The following CYYR1 variants were observed in gnomAD, a reference collection of about 807,000 sequenced individuals.
The protein encoded by CYYR1 is cysteine and tyrosine rich 1, also known as cysteine and tyrosine-rich protein 1.
Under a neutral mutation model 15.2 loss-of-function variants are expected in CYYR1, and 14 were observed. The ratio of observed to expected loss-of-function variants is 0.92; its 90% CI spans 0.61 to 1.44. CYYR1 has a LOEUF of 1.44. Ranked by LOEUF, CYYR1 falls within the 40% of genes most tolerant of loss-of-function variation. The pLI is 0.00. For synonymous variants in CYYR1, 80 were observed against 77.4 expected (o/e 1.03, Z -0.18); for missense variants, 228 against 209.5 (o/e 1.09, Z -0.54).
chr21:26,488,893 A>G (rs1485664425), intron 2 of CYYR1, among the ~76,000 whole-genome samples: 1 of 152,280 alleles, frequency 6.6e-6, no homozygotes, highest in African/African-American at 2.4e-5. Flanking sequence ...TGCACGAGAA[A>G]CAAACTAGTT....
At chr21:26,545,534 G>A (rs1014704539) in intron 2 of CYYR1, among the ~76,000 whole-genome samples, 1 of 143,254 alleles carries the variant, frequency 7.0e-6, no homozygotes, top group Non-Finnish European at 1.5e-5. Context: ...ACTGTGTAAT[G>A]GTTTCTACCT....
rs2065157904 is a variant in CYYR1, at chr21:26,480,303, C to T, written c.303G>A (p.Thr101=). The change falls in exon 3 of 4, where the codon ACG becomes ACA. Residue 101 remains threonine, a synonymous_variant. Coordinates refer to ENST00000652641, the MANE Select transcript of CYYR1 (RefSeq NM_001320768.2). ...HRATRVGILR[T]THINTVSSYP... ...AGGAGGAGACGGTGTTGATGTGAGT[C>T]GTCCTGAGGATGCCCACGCGGGTCG... 3.7e-6 allele frequency: 6 copies of T among 1,612,768 alleles called. No individual in the cohort carries two copies. Among genetic ancestry groups the T allele is most frequent in the Admixed American group, 1.7e-5 (1 of 59,804 alleles).
Position 26,573,181 on chromosome 21 carries a change from G to A in CYYR1, c.-241C>T. 6.8e-7 allele frequency: 1 copy of A among 1,473,722 alleles called. No individual in the cohort carries two copies. The highest frequency in any genetic ancestry group is 2.8e-5 in the East Asian group (1 of 35,698). The allele number at this position is 1,473,722 out of a possible 1,614,324, so 91.3% of individuals were successfully genotyped here. ...CGAGACGGGCTGCGCTGGGGGCCCAGGTCTCTTTGTCTCGCCCCACTGCGC... is the reference window on the plus strand; with the variant it reads ...CGAGACGGGCTGCGCTGGGGGCCCAAGTCTCTTTGTCTCGCCCCACTGCGC... On this transcript the variant is annotated 5_prime_UTR_variant, in exon 1 of 4. Coordinates refer to ENST00000652641, the MANE Select transcript of CYYR1 (RefSeq NM_001320768.2).
At chr21:26,475,294 A>G (rs1244823307) in intron 3 of CYYR1, among the ~76,000 whole-genome samples, 1 of 152,030 alleles carries the variant, frequency 6.6e-6, no homozygotes, top group Non-Finnish European at 1.5e-5. Context: ...AATTGGCACG[A>G]GCAAAAAAGA....
intron 2 of CYYR1, among the ~76,000 whole-genome samples, chr21:26,548,750 T>C (rs1015637718): frequency 6.6e-6 from 1 of 152,224 alleles, no homozygotes; most frequent in Non-Finnish European, 1.5e-5. Context: ...CCTAATTTTC[T>C]ACCCACTGGA....
intron 2 of CYYR1, among the ~76,000 whole-genome samples, chr21:26,538,230 A>G (rs1302984496): frequency 2.0e-5 from 3 of 152,224 alleles, no homozygotes; most frequent in Non-Finnish European, 4.4e-5. Context: ...CATAGTGTGC[A>G]GAAGTGGAAG....
intron 2 of CYYR1, among the ~76,000 whole-genome samples, chr21:26,518,243 A>C (rs915902865): frequency 2.0e-5 from 3 of 152,178 alleles, no homozygotes; most frequent in African/African-American, 7.2e-5. Flanking sequence ...TGAGACACTA[A>C]CATCTTTTTT....
intron 3 of CYYR1, chr21:26,470,477 C>T (rs1263245099): frequency 2.0e-5 from 3 of 152,092 alleles, no homozygotes; most frequent in Non-Finnish European, 2.9e-5. Context: ...CCTTGCTGTT[C>T]TCATGAAGTT....
intron 2 of CYYR1, among the ~76,000 whole-genome samples, chr21:26,564,255 TG>T (rs1370409537): frequency 6.6e-6 from 1 of 151,732 alleles, no homozygotes; most frequent in Non-Finnish European, 1.5e-5. Flanking sequence ...ATCCTGAAAA[TG>T]TATTCTCTTT....
chr21:26,483,547 T>A, intron 2 of CYYR1: 1 of 441,296 alleles, frequency 2.3e-6, no homozygotes, highest in Non-Finnish European at 3.0e-6. Context: ...TTCATTTTTC[T>A]CCATGAAAGC....
intron 2 of CYYR1, among the ~76,000 whole-genome samples, chr21:26,489,345 CT>C (rs2065295000): frequency 1.3e-5 from 2 of 152,194 alleles, no homozygotes; most frequent in African/African-American, 4.8e-5. Context: ...ATGGTAAATG[CT>C]TTGATTGATG....
At chr21:26,571,307 C>T (rs886323087) in intron 1 of CYYR1, among the ~76,000 whole-genome samples, 1 of 152,258 alleles carries the variant, frequency 6.6e-6, no homozygotes, top group African/African-American at 2.4e-5. Flanking sequence ...CAACTTAGCA[C>T]TGGCTTACAA....
chr21:26,474,275 G>A lies in CYYR1; in HGVS notation c.335-5641C>T, dbSNP rs193144312. ...TCACCATGTTGGTCAGGCTGGTCTC[G>A]AACTTCTGACCTCATGATCCTCCCA... On this transcript the variant is annotated intron_variant, in intron 3 of 3. Transcript: ENST00000652641. Among the ~76,000 whole-genome samples, 697 of 151,808 alleles carry A rather than the reference G, an allele frequency of 4.6e-3. 7 individuals are homozygous for A. The highest frequency in any genetic ancestry group is 7.2e-3 in the African/African-American group (299 of 41,410).
intron 2 of CYYR1, among the ~76,000 whole-genome samples, chr21:26,504,761 C>T (rs997138973): frequency 1.3e-5 from 2 of 152,126 alleles, no homozygotes; most frequent in Non-Finnish European, 2.9e-5. Context: ...TTCATTCTTT[C>T]TATTGTTTTG....
chr21:26,556,587 C>A (rs758772760), intron 2 of CYYR1, among the ~76,000 whole-genome samples: 26 of 152,032 alleles, frequency 1.7e-4, no homozygotes, highest in Non-Finnish European at 3.2e-4. Flanking sequence ...AGAAAACTTT[C>A]AATCATGGCA....
chr21:26,484,941 C>T (rs987204151), intron 2 of CYYR1, among the ~76,000 whole-genome samples: 3 of 151,892 alleles, frequency 2.0e-5, no homozygotes, highest in African/African-American at 2.4e-5. Flanking sequence ...CATTAGCAAT[C>T]GTAAATTAGT....
At chr21:26,567,584 G>C (rs909401367) in intron 1 of CYYR1, among the ~76,000 whole-genome samples, 2 of 151,970 alleles carry the variant, frequency 1.3e-5, no homozygotes, top group African/African-American at 2.4e-5. Flanking sequence ...TACATGATTA[G>C]GAAAACATTA....
intron 2 of CYYR1, among the ~76,000 whole-genome samples, chr21:26,494,816 G>A (rs948218110): frequency 1.9e-5 from 1 of 53,758 alleles, no homozygotes; most frequent in African/African-American, 4.8e-5. Context: ...GTGTTTGAAT[G>A]TTTAAACTGT....
At chr21:26,519,063 T>G (rs1190054051) in intron 2 of CYYR1, among the ~76,000 whole-genome samples, 1 of 152,198 alleles carries the variant, frequency 6.6e-6, no homozygotes, top group East Asian at 1.9e-4. Flanking sequence ...TTTGTATCCC[T>G]AGAATGAATT....
Sources: allele counts gnomAD v4.1 joint callset (sites outside exome capture counted in the v4.1 genomes callset), GRCh38; gene constraint gnomAD v4.1.1; transcripts MANE v1.5; gene names NCBI Gene and HGNC (gene_info 2026-07-23, HGNC 2026-07-21).